COQ8B: variants seen among roughly 807,000 people sequenced by gnomAD.
The protein encoded by COQ8B is coenzyme Q8B, also known as atypical kinase COQ8B, mitochondrial.
COQ8B carries 44 observed loss-of-function variants against 62.0 expected under a neutral mutation model. That is an observed-to-expected ratio of 0.71 (90% CI 0.56 to 0.91). The LOEUF is 0.91. Ranked by LOEUF, COQ8B falls within the 40% of genes least tolerant of loss-of-function variation. The probability of loss-of-function intolerance (pLI) is 0.00; values close to 1 mark genes in which losing one functional copy is unlikely to be tolerated. For synonymous variants in COQ8B, 252 were observed against 289.9 expected, an observed-to-expected ratio of 0.87 and a Z score of 1.33; for missense variants, 649 against 731.6, an observed-to-expected ratio of 0.89 and a Z score of 1.30.
rs2081984646 is a variant in COQ8B at position 40,692,872 on chromosome 19, T to C, written c.1296+79A>G. The C allele has an allele frequency of 2.3e-6, 3 of 1,279,278 alleles. No homozygotes were observed. In the African/African-American group the frequency reaches 4.5e-5, roughly 19 times the overall value. 79.2% of individuals were successfully genotyped at this position (1,279,278 alleles called of 1,614,324 possible). A position where few individuals can be genotyped will look rare whatever the true frequency, so the allele number is the denominator to read the frequency against. The stretch of plus-strand genomic sequence containing the variant: ...CGACATGCCCCATCACCTACTCGAG[T>C]TCCTCAGTGGAGATAAGCAGCCCCC... On this transcript the variant is annotated intron_variant, in intron 14 of 14. Transcript: ENST00000324464.
intron 12 of COQ8B, among the ~76,000 whole-genome samples, chr19:40,696,647 A>C (rs2082017079): frequency 4.7e-5 from 7 of 149,560 alleles, no homozygotes; most frequent in Admixed American, 4.7e-4. Context: ...CCTGGGCAAC[A>C]GAGTGAGACT....
Position 40,692,297 on chromosome 19 carries a change from C to T in COQ8B, c.1373G>A (p.Gly458Glu), listed in dbSNP as rs2081977888. Residue 458 changes from glycine (G) to glutamate (E), a missense_variant, in exon 15 of 15, where the codon GGG (glycine) becomes GAG (glutamate). By Grantham distance (98) the Gly-to-Glu change is moderately conservative. Transcript: ENST00000324464. Reference protein sequence around the residue: ...PFATQGPYDFGSGETARRIQD... With the variant: ...PFATQGPYDFESGETARRIQD... ...TATGCGGCGGGCCGTTTCCCCCGAC[C>T]CAAAGTCATAAGGGCCCTGGGTGGC... 1.2e-6 allele frequency: 2 copies of T among 1,613,580 alleles called. No individual in the cohort carries two copies. The highest frequency in any genetic ancestry group is 1.7e-6 in the Non-Finnish European group (2 of 1,179,840).
intron 13 of COQ8B, among the ~76,000 whole-genome samples, chr19:40,695,326 A>AAAAAAAAAAAAGAAAAG (rs1555755672): frequency 1.4e-5 from 2 of 141,926 alleles, no homozygotes; most frequent in East Asian, 2.1e-4. Flanking sequence ...TCAATTAAAA[A>AAAAAAAAAAAAGAAAAG]AAAAAAAAAG....
rs754265164 is a variant in COQ8B, at chr19:40,705,364, C to T, written c.451G>A (p.Gly151Arg). 1.3e-6 allele frequency: 2 copies of T among 1,599,958 alleles called. No individual in the cohort carries two copies. The highest frequency in any genetic ancestry group is 2.2e-5 in the South Asian group (2 of 90,620). The change falls in exon 6 of 15, where the codon GGG (glycine) becomes AGG (arginine). Residue 151 changes from glycine (G) to arginine (R), a missense_variant. Transcript: ENST00000324464. ...RIVQTLCTVR[G>R]AALKVGQMLS... ...ATCTGGCCAACCTTGAGGGCGGCCC[C>T]TCGAACTGTACATAAGGTCTGCACA... is the stretch of plus-strand genomic sequence containing the variant.
intron 12 of COQ8B, among the ~76,000 whole-genome samples, chr19:40,697,625 C>T (rs1376863193): frequency 2.7e-5 from 4 of 150,894 alleles, no homozygotes. Context: ...GGTGAAACCC[C>T]ACCTATACTA....
In COQ8B at chr19:40,693,023, T is replaced by A; in HGVS notation, c.1224A>T (p.Ala408=). The change falls in exon 14 of 15, where the codon GCA becomes GCT. Residue 408 remains alanine (A), a synonymous_variant. Transcript: ENST00000324464. ...TDHYIEVVKA[A]ADGDRDCVLQ... is the part of the protein sequence containing the mutation. Reference sequence around the variant, plus strand: ...GGACACAGTCTCTGTCTCCATCAGCTGCAGCCTTCACCACCTGGGGAGACG... The same window carrying A: ...GGACACAGTCTCTGTCTCCATCAGCAGCAGCCTTCACCACCTGGGGAGACG... 1 of 1,613,888 alleles carries A rather than the reference T, an allele frequency of 6.2e-7. No homozygotes were observed. The highest frequency in any genetic ancestry group is 8.5e-7 in the Non-Finnish European group (1 of 1,179,850).
intron 3 of COQ8B, 66 bp downstream of exon 3, chr19:40,714,212 C>G: frequency 1.9e-6 from 3 of 1,606,122 alleles, no homozygotes; most frequent in South Asian, 1.1e-5. Context: ...CCACCACACC[C>G]TTCCCCAAGC....
Position 40,696,072 on chromosome 19 carries a change from T to C in COQ8B, c.1144-18A>G, listed in dbSNP as rs1361178932. On this transcript the variant is annotated intron_variant, in intron 12 of 14. Coordinates refer to ENST00000324464, the MANE Select transcript of COQ8B (RefSeq NM_024876.4). ...AGGGTCACCTGGAAGCAAGGAATGG[T>C]GAAAGGAATGCTGGGATCCCATTCA... 3.1e-6 allele frequency: 5 copies of C among 1,613,290 alleles called. No individual in the cohort carries two copies. Among genetic ancestry groups the C allele is most frequent in the Non-Finnish European group, 4.2e-6 (5 of 1,179,430 alleles).
rs111899911 is a variant in COQ8B at position 40,709,643 on chromosome 19, A to G, written c.367+416T>C. 7.2e-5 allele frequency among the ~76,000 whole-genome samples: 11 copies of G among 152,282 alleles called. 1 individual carries two copies. The highest frequency in any genetic ancestry group is 2.6e-4 in the African/African-American group (11 of 41,564). Reference sequence around the variant, plus strand: ...GGTGGATCATGAGGTCAGGAGTTGAAGACCAGCCTGGCCAACATGGTGAAA... The same window carrying G: ...GGTGGATCATGAGGTCAGGAGTTGAGGACCAGCCTGGCCAACATGGTGAAA... On this transcript the variant is annotated intron_variant, in intron 5 of 14. Coordinates refer to ENST00000324464, the MANE Select transcript of COQ8B (RefSeq NM_024876.4).
chr19:40,705,562 G>T, intron 5 of COQ8B, 115 bp from the exon 6 acceptor site: 8 of 1,207,978 alleles, frequency 6.6e-6, no homozygotes, highest in Non-Finnish European at 8.9e-6. Context: ...GATGAACACA[G>T]GAGTCTGAGA....
At position 40,692,833 on chromosome 19, in the gene COQ8B, C is replaced by T. The variant is rs2081984275; in HGVS notation, c.1296+118G>A. The T allele has an allele frequency of 4.9e-6, 4 of 824,586 alleles. No individual in the cohort carries two copies. In the South Asian group the frequency reaches 5.2e-5, roughly 11 times the overall value. 51.1% of individuals were successfully genotyped at this position (824,586 alleles called of 1,614,324 possible). A position where few individuals can be genotyped will look rare whatever the true frequency, so the allele number is the denominator to read the frequency against. On this transcript the variant is annotated intron_variant, in intron 14 of 14. Transcript: ENST00000324464. ...GAGACAAGCCCCTCCTAGAGTCCCC[C>T]AGTCCCCGGGTATCGACATGCCCCA...
chr19:40,697,879 T>G (rs1975765), intron 12 of COQ8B, among the ~76,000 whole-genome samples: 906 of 37,992 alleles, frequency 0.024, 7 homozygotes, highest in Non-Finnish European at 0.037. Context: ...GAGAGAGAGT[T>G]TCTACTGGGC....
Position 40,691,926 on chromosome 19 carries a change from A to C in COQ8B, c.*109T>G, listed in dbSNP as rs1599921330. ...GGGCCAAGGAGGAGAGCCAGGCAAGACTGGGAAGCCCAAGGGGGCTCCTCT... is the reference window on the plus strand; with the variant it reads ...GGGCCAAGGAGGAGAGCCAGGCAAGCCTGGGAAGCCCAAGGGGGCTCCTCT... On this transcript the variant is annotated 3_prime_UTR_variant, in exon 15 of 15. Transcript: ENST00000324464. The C allele has an allele frequency of 9.1e-7, 1 of 1,094,708 alleles. No homozygotes were observed. The highest frequency in any genetic ancestry group is 2.6e-5 in the South Asian group (1 of 38,282). The allele number at this position is 1,094,708 out of a possible 1,614,324, so 67.8% of individuals were successfully genotyped here.
At chr19:40,715,629 G>C in intron 1 of COQ8B, 1 of 984,092 alleles carries the variant, frequency 1.0e-6, no homozygotes, top group Non-Finnish European at 1.2e-6. Flanking sequence ...CAACTCTCTC[G>C]TGTACATACC....
chr19:40,711,947 G>C (rs2082144977), intron 4 of COQ8B, among the ~76,000 whole-genome samples: 1 of 152,060 alleles, frequency 6.6e-6, no homozygotes, highest in South Asian at 2.1e-4. Context: ...TTAATCCCTG[G>C]GCAGCCTGGT....
chr19:40,712,618 A>G (rs145987679), intron 4 of COQ8B, among the ~76,000 whole-genome samples: 206 of 152,186 alleles, frequency 1.4e-3, no homozygotes, highest in African/African-American at 4.8e-3. Flanking sequence ...AACTTGAACC[A>G]TGATCAGCAA....
At chr19:40,711,944 C>T (rs2082144954) in intron 4 of COQ8B, among the ~76,000 whole-genome samples, 1 of 152,162 alleles carries the variant, frequency 6.6e-6, no homozygotes. Flanking sequence ...CCCTTAATCC[C>T]TGGGCAGCCT....
intron 9 of COQ8B, 142 bp from the exon 10 acceptor site, chr19:40,702,835 C>G: frequency 1.4e-6 from 1 of 737,566 alleles, no homozygotes; most frequent in South Asian, 1.6e-5. Context: ...CTGTCCCTCT[C>G]CTGTCTCCCA....
chr19:40,704,104 G>T, intron 7 of COQ8B: 1 of 446,256 alleles, frequency 2.2e-6, no homozygotes, highest in Non-Finnish European at 4.0e-6. Context: ...TCCCTGGGCT[G>T]TTGTGGGGAT....
Sources: allele counts gnomAD v4.1 joint callset (sites outside exome capture counted in the v4.1 genomes callset), GRCh38; gene constraint gnomAD v4.1.1; transcripts MANE v1.5; gene names NCBI Gene and HGNC (gene_info 2026-07-23, HGNC 2026-07-21).